The following SMAD4 variants were observed in gnomAD, a reference collection of about 807,000 sequenced individuals.
SMAD4 encodes the protein SMAD family member 4, also known as MAD homolog 4.
In SMAD4, 7 loss-of-function variants were observed where a neutral mutation model predicts 63.2. That is an observed-to-expected ratio of 0.11 (90% CI 0.06 to 0.21). SMAD4 has a LOEUF of 0.21. SMAD4 is among the 10% of genes least tolerant of loss of function. The probability of loss-of-function intolerance (pLI) is 1.00; values close to 1 mark genes in which losing one functional copy is unlikely to be tolerated. For missense variants in SMAD4, 312 were observed against 693.8 expected (o/e 0.45, Z 6.18); for synonymous variants, 215 against 235.4 (o/e 0.91, Z 0.79).
In SMAD4 at chr18:51,054,789, A is replaced by G. The variant is rs1057519259; in HGVS notation, c.463A>G (p.Ser155Gly). ...GLTLQSNAPSSMMVKDEYVHD... is the reference protein window; with the variant it reads ...GLTLQSNAPSGMMVKDEYVHD... Reference sequence around the variant, plus strand: ...TTTAATTTTCTATATAGCTCCATCAAGTATGATGGTGAAGGATGAATATGT... The same window carrying G: ...TTTAATTTTCTATATAGCTCCATCAGGTATGATGGTGAAGGATGAATATGT... Residue 155 changes from serine (S) to glycine (G), a missense_variant, in exon 5 of 12, where the codon AGT becomes GGT. Around this residue, in one of 4 missense-constraint regions of SMAD4, gnomAD observed 169 missense variants for 211.0 expected, o/e 0.80. Coordinates refer to ENST00000342988, the MANE Select transcript of SMAD4 (RefSeq NM_005359.6). The G allele has an allele frequency of 1.9e-6, 3 of 1,594,076 alleles. No individual in the cohort carries two copies. Among genetic ancestry groups the G allele is most frequent in the East Asian group, 2.2e-5 (1 of 44,822 alleles).
intron 10 of SMAD4, among the ~76,000 whole-genome samples, chr18:51,073,361 T>TTA (rs35099364): frequency 0.017 from 369 of 22,086 alleles, 10 homozygotes; most frequent in Non-Finnish European, 0.019. Flanking sequence ...CCAGATAACA[T>TTA]TATATATATA....
At chr18:51,052,157 A>G (rs564121478) in intron 4 of SMAD4, among the ~76,000 whole-genome samples, 1 of 152,282 alleles carries the variant, frequency 6.6e-6, no homozygotes, top group South Asian at 2.1e-4. Flanking sequence ...TAACTACTCT[A>G]AAAATATGGT....
intron 5 of SMAD4, among the ~76,000 whole-genome samples, chr18:51,056,545 G>A (rs112518106): frequency 0.044 from 6,594 of 150,246 alleles, 494 homozygotes; most frequent in African/African-American, 0.15. Context: ...GCGTGAACCC[G>A]GGAGGCGGAG....
chr18:51,042,358 C>G (rs1423569662), intron 1 of SMAD4, among the ~76,000 whole-genome samples: 1 of 109,870 alleles, frequency 9.1e-6, no homozygotes, highest in East Asian at 3.2e-4. Flanking sequence ...TCTCTGTTTT[C>G]TTTCTTTTTC....
At position 51,079,382 on chromosome 18, in the gene SMAD4, A is replaced by G. The variant is rs939349814; in HGVS notation, c.*915A>G. 4.3e-6 allele frequency: 1 copy of G among 233,476 alleles called. No homozygotes were observed. 14.5% of individuals were successfully genotyped at this position (233,476 alleles called of 1,614,324 possible). A position where few individuals can be genotyped will look rare whatever the true frequency, so the allele number is the denominator to read the frequency against. ...TGTCTCACTGTTCTGCAAAGGTGGC[A>G]ATGCTTAAACTAAATAATGAATAAA... On this transcript the variant is annotated 3_prime_UTR_variant, in exon 12 of 12. Coordinates refer to ENST00000342988, the MANE Select transcript of SMAD4 (RefSeq NM_005359.6).
At chr18:51,055,018 C>G (rs1247586924) in intron 5 of SMAD4, 25 bp downstream of exon 5, 4 of 1,562,366 alleles carry the variant, frequency 2.6e-6, no homozygotes, top group Non-Finnish European at 3.5e-6. Flanking sequence ...CAGATGTAGT[C>G]AGCAAGTTGA....
intron 4 of SMAD4, among the ~76,000 whole-genome samples, chr18:51,050,370 TG>T (rs1909673163): frequency 8.4e-6 from 1 of 119,532 alleles, no homozygotes; most frequent in South Asian, 2.6e-4. Flanking sequence ...AAAAAAAAAG[TG>T]GGGGGAGGCT....
At chr18:51,068,657 G>T (rs1226105638) in intron 10 of SMAD4, among the ~76,000 whole-genome samples, 1 of 152,150 alleles carries the variant, frequency 6.6e-6, no homozygotes, top group Non-Finnish European at 1.5e-5. Context: ...AGTGGCTCAT[G>T]CGTGTAATCT....
chr18:51,049,638 T>C (rs543699317), intron 4 of SMAD4: 1 of 314,352 alleles, frequency 3.2e-6, no homozygotes, highest in African/African-American at 2.1e-5. Flanking sequence ...TTGAAGAAAA[T>C]CTCACAGAGC....
chr18:51,058,701 A>G (rs1909918001), intron 7 of SMAD4, among the ~76,000 whole-genome samples: 1 of 152,154 alleles, frequency 6.6e-6, no homozygotes, highest in African/African-American at 2.4e-5. Context: ...TTAACATCAC[A>G]TTGATTTCCA....
Position 51,082,622 on chromosome 18 carries a change from CATTT to C in SMAD4, c.*4156_*4159del, listed in dbSNP as rs1910636969. The C allele has an allele frequency of 4.3e-6, 1 of 230,128 alleles. No homozygotes were observed. Among genetic ancestry groups the C allele is most frequent in the East Asian group, 6.2e-5 (1 of 16,228 alleles). The allele number at this position is 230,128 out of a possible 1,614,324, so 14.3% of individuals were successfully genotyped here. ...TATCAGAGGATATACTAGATGGTAA[CATTT>C]CTTTCTGTGCTTGGCTATCTTTGTG... On this transcript the variant is annotated 3_prime_UTR_variant, in exon 12 of 12. Coordinates refer to ENST00000342988, the MANE Select transcript of SMAD4 (RefSeq NM_005359.6).
In SMAD4 at chr18:51,046,386, C is replaced by T. The variant is rs562187142; in HGVS notation, c.-127-534C>T. Among the ~76,000 whole-genome samples the T allele has an allele frequency of 1.2e-3, 175 of 150,024 alleles. 1 individual carries two copies. The South Asian group carries it at 0.017, about 15-fold the overall frequency. On this transcript the variant is annotated intron_variant, in intron 1 of 11. Coordinates refer to ENST00000342988, the MANE Select transcript of SMAD4 (RefSeq NM_005359.6). ...CATCTTTCATGTGCTTATTGGCCAT[C>T]GTCTTTGGAGAAGTGTCCTTTAGAA...
chr18:51,074,985 C>T (rs989590233), intron 10 of SMAD4, among the ~76,000 whole-genome samples: 7 of 152,204 alleles, frequency 4.6e-5, no homozygotes, highest in Non-Finnish European at 1.0e-4. Flanking sequence ...GCTGGGATTA[C>T]AGGCATCTGC....
In SMAD4 at chr18:51,049,223, C is replaced by T. The variant is rs961003360; in HGVS notation, c.425-72C>T. On this transcript the variant is annotated intron_variant, in intron 3 of 11. Coordinates refer to ENST00000342988, the MANE Select transcript of SMAD4 (RefSeq NM_005359.6). ...AATCTTTGGTTTAAATTTACATTCT[C>T]TGTTTTTAAATGGAAAATACTTTCA... is the stretch of plus-strand genomic sequence containing the variant. 123 of 1,164,770 alleles carry T rather than the reference C, an allele frequency of 1.1e-4. No individual in the cohort carries two copies. The Admixed American group carries it at 2.2e-3, about 21-fold the overall frequency. 72.2% of individuals were successfully genotyped at this position (1,164,770 alleles called of 1,614,324 possible).
chr18:51,039,522 C>T lies in SMAD4; in HGVS notation c.-127-7398C>T, dbSNP rs909439226. ...ACCCCCCCACCCCCCGTAGTTCCATCGGAAGTGCTAGAGCTATGTCACTTG... is the reference window on the plus strand; with the variant it reads ...ACCCCCCCACCCCCCGTAGTTCCATTGGAAGTGCTAGAGCTATGTCACTTG... On this transcript the variant is annotated intron_variant, in intron 1 of 11. Transcript: ENST00000342988. 4.5e-4 allele frequency among the ~76,000 whole-genome samples: 60 copies of T among 132,488 alleles called. 2 individuals carry two copies. The Admixed American group carries it at 4.7e-3, about 10-fold the overall frequency. 86.9% of individuals were successfully genotyped at this position (132,488 alleles called of 152,430 possible).
intron 1 of SMAD4, among the ~76,000 whole-genome samples, chr18:51,041,627 G>A (rs1299969576): frequency 1.3e-5 from 2 of 152,184 alleles, no homozygotes; most frequent in African/African-American, 4.8e-5. Flanking sequence ...TCCTGGCATG[G>A]CCTTATGACT....
chr18:51,083,563 C>A lies in SMAD4; in HGVS notation c.*5096C>A, dbSNP rs761008429. The A allele has an allele frequency of 9.3e-5, 21 of 225,934 alleles. No individual in the cohort carries two copies. The highest frequency in any genetic ancestry group is 1.8e-4 in the Non-Finnish European group (20 of 113,846). The allele number at this position is 225,934 out of a possible 1,614,324, so 14.0% of individuals were successfully genotyped here. A position where few individuals can be genotyped will look rare whatever the true frequency, so the allele number is the denominator to read the frequency against. ...ACTTTTCACACCGTTTATTTAAATG[C>A]TTTCTCAATAGGTCCAGAGCCAGTG... On this transcript the variant is annotated 3_prime_UTR_variant, in exon 12 of 12. Coordinates refer to ENST00000342988, the MANE Select transcript of SMAD4 (RefSeq NM_005359.6).
intron 1 of SMAD4, among the ~76,000 whole-genome samples, 153 bp downstream of exon 1, chr18:51,030,776 T>G (rs1250085616): frequency 6.6e-6 from 1 of 150,914 alleles, no homozygotes; most frequent in Non-Finnish European, 1.5e-5. Context: ...CGCGGCGGCC[T>G]GACGAGCCGG....
At chr18:51,054,590 T>C in intron 4 of SMAD4, 191 bp from the exon 5 acceptor site, 1 of 580,930 alleles carries the variant, frequency 1.7e-6, no homozygotes, top group Non-Finnish European at 3.0e-6. Context: ...TCTCATGCTG[T>C]TACCGCTGAA....
Sources: allele counts gnomAD v4.1 joint callset (sites outside exome capture counted in the v4.1 genomes callset), GRCh38; gene constraint gnomAD v4.1.1; regional missense constraint gnomAD v4.1.1; transcripts MANE v1.5; gene names NCBI Gene and HGNC (gene_info 2026-07-23, HGNC 2026-07-21).